CDH22: variants seen among roughly 807,000 people sequenced by gnomAD.
CDH22 encodes the protein cadherin 22.
Under a neutral mutation model 58.4 loss-of-function variants are expected in CDH22, and 30 were observed. The ratio of observed to expected loss-of-function variants is 0.51; its 90% CI spans 0.38 to 0.70. CDH22 has a LOEUF of 0.70. Ranked by LOEUF, CDH22 falls within the 30% of genes least tolerant of loss-of-function variation. CDH22 has a pLI of 0.00. For synonymous variants in CDH22, 513 were observed against 558.2 expected, an observed-to-expected ratio of 0.92 and a Z score of 1.14; for missense variants, 1,014 against 1,233.9, an observed-to-expected ratio of 0.82 and a Z score of 2.67.
chr20:46,185,311 C>G (rs1455811425), intron 10 of CDH22, among the ~76,000 whole-genome samples: 1 of 152,068 alleles, frequency 6.6e-6, no homozygotes, highest in Non-Finnish European at 1.5e-5. Flanking sequence ...ACATCAACAT[C>G]ATGAGAAACT....
chr20:46,264,613 G>A (rs2145751213), intron 1 of CDH22, among the ~76,000 whole-genome samples: 1 of 152,244 alleles, frequency 6.6e-6, no homozygotes, highest in Non-Finnish European at 1.5e-5. Flanking sequence ...TGGAGGATCT[G>A]GAATTCAAAC....
intron 1 of CDH22, among the ~76,000 whole-genome samples, chr20:46,259,098 C>T (rs1261808149): frequency 6.6e-6 from 1 of 152,202 alleles, no homozygotes; most frequent in African/African-American, 2.4e-5. Flanking sequence ...GTAGAGACAT[C>T]CATTCCTTAA....
chr20:46,189,056 C>T (rs571358047), intron 8 of CDH22, among the ~76,000 whole-genome samples: 4 of 152,184 alleles, frequency 2.6e-5, no homozygotes, highest in South Asian at 2.1e-4. Flanking sequence ...CAGCTGCTCA[C>T]GTGTTGATAA....
chr20:46,298,644 A>ATGGATGGATGGATGGATGGGTGGG (rs1568686127), intron 1 of CDH22, among the ~76,000 whole-genome samples: 4 of 151,708 alleles, frequency 2.6e-5, no homozygotes, highest in Non-Finnish European at 5.9e-5. Flanking sequence ...GAATGGGTGG[A>ATGGATGGATGGATGGATGGGTGGG]TGGATGGATG....
In CDH22 at chr20:46,300,780, A is replaced by G. The variant is rs921947705; in HGVS notation, c.-400+7475T>C. Among the ~76,000 whole-genome samples, 1 of 152,222 alleles carries G rather than the reference A, an allele frequency of 6.6e-6. No individual in the cohort carries two copies. Among genetic ancestry groups the G allele is most frequent in the Non-Finnish European group, 1.5e-5 (1 of 68,026 alleles). On this transcript the variant is annotated intron_variant, in intron 1 of 11. Transcript: ENST00000537909. The surrounding 1 kb of genome is among the most constrained non-coding windows in gnomAD (Gnocchi z 4.4). ...TGGTGAGCGCCACACGACTCCTGCC[A>G]AAAACGTCCCAGTGGTCCCTGAAGA...
rs540497823 is a variant in CDH22 at position 46,252,319 on chromosome 20, G to A, written c.-399-626C>T. On this transcript the variant is annotated intron_variant, in intron 1 of 11. Transcript: ENST00000537909. ...GCTTGGAGACACCCTCAGTGACTCC[G>A]GGCAGGGTCACAACCCCTCTGAGCT... is the stretch of plus-strand genomic sequence containing the variant. 4.3e-4 allele frequency among the ~76,000 whole-genome samples: 66 copies of A among 152,272 alleles called. 1 individual carries two copies. Among genetic ancestry groups the A allele is most frequent in the South Asian group, 2.1e-4 (1 of 4,818 alleles).
At chr20:46,287,708 G>A (rs2145773863) in intron 1 of CDH22, among the ~76,000 whole-genome samples, 1 of 152,110 alleles carries the variant, frequency 6.6e-6, no homozygotes, top group Admixed American at 6.5e-5. Flanking sequence ...AAGAGCAATG[G>A]GAAGCTATTG....
chr20:46,177,945 C>T lies in CDH22; in HGVS notation c.1915+1G>A. 6.2e-7 allele frequency: 1 copy of T among 1,613,506 alleles called. No homozygotes were observed. Among genetic ancestry groups the T allele is most frequent in the South Asian group, 1.1e-5 (1 of 91,060 alleles). On this transcript the variant is annotated splice_donor_variant, in intron 11 of 11. Coordinates refer to ENST00000537909, the MANE Select transcript of CDH22 (RefSeq NM_021248.3). LOFTEE classifies it high-confidence loss of function. ...GGCTGGGTGGCTCTCGATGGACTCA[C>T]CAACCAGGATGAGAACGCAGACCAA...
At chr20:46,219,034 A>G (rs942962775) in intron 4 of CDH22, among the ~76,000 whole-genome samples, 17 of 152,256 alleles carry the variant, frequency 1.1e-4, no homozygotes, top group Non-Finnish European at 1.6e-4. Flanking sequence ...AGGCAACAGA[A>G]TGGAAGGAGA....
chr20:46,238,293 G>C (rs2092285380), intron 3 of CDH22, among the ~76,000 whole-genome samples: 1 of 152,094 alleles, frequency 6.6e-6, no homozygotes, highest in African/African-American at 2.4e-5. Context: ...CAGTAGGTAG[G>C]GGCTGCCGGA....
chr20:46,201,123 C>T (rs1309060486), intron 7 of CDH22, among the ~76,000 whole-genome samples: 2 of 152,378 alleles, frequency 1.3e-5, no homozygotes, highest in South Asian at 2.1e-4. Flanking sequence ...CCGGCCTCCG[C>T]TTCCCCATGC....
At chr20:46,280,878 T>C (rs921414985) in intron 1 of CDH22, among the ~76,000 whole-genome samples, 6 of 152,240 alleles carry the variant, frequency 3.9e-5, no homozygotes, top group African/African-American at 1.2e-4. Flanking sequence ...TGGATAATTC[T>C]AGGCAGTGTC....
chr20:46,220,366 GA>G (rs2086114817), intron 4 of CDH22: 1 of 144,168 alleles, frequency 6.9e-6, no homozygotes, highest in African/African-American at 2.5e-5. Context: ...AACAGAGAGG[GA>G]GACGCAGGAA....
At position 46,258,337 on chromosome 20, in the gene CDH22, C is replaced by T. The variant is rs571099776; in HGVS notation, c.-399-6644G>A. Among the ~76,000 whole-genome samples the T allele has an allele frequency of 5.9e-5, 9 of 152,198 alleles. No individual in the cohort carries two copies. In the East Asian group the frequency reaches 1.7e-3, roughly 29 times the overall value. On this transcript the variant is annotated intron_variant, in intron 1 of 11. Coordinates refer to ENST00000537909, the MANE Select transcript of CDH22 (RefSeq NM_021248.3). ...CAGTAGAGATGGCTCAAGACTGAGG[C>T]TCAGGACACAAATCAGCATCCACAC...
intron 4 of CDH22, among the ~76,000 whole-genome samples, chr20:46,218,791 C>T (rs1175487017): frequency 6.6e-6 from 1 of 152,160 alleles, no homozygotes; most frequent in Non-Finnish European, 1.5e-5. Context: ...GTGGGGAAGA[C>T]TGGGCTTCTT....
intron 2 of CDH22, among the ~76,000 whole-genome samples, chr20:46,244,989 C>T (rs1027491184): frequency 2.0e-5 from 3 of 152,218 alleles, no homozygotes; most frequent in Admixed American, 6.5e-5. Flanking sequence ...GGCTACCCTT[C>T]TCTGAGCCTC....
intron 8 of CDH22, among the ~76,000 whole-genome samples, chr20:46,189,706 TGA>T (rs1275420695): frequency 6.6e-6 from 1 of 152,188 alleles, no homozygotes; most frequent in Non-Finnish European, 1.5e-5. Flanking sequence ...TTGGCATGAG[TGA>T]GAGTCTCAGA....
chr20:46,250,391 G>T (rs2086362603), intron 2 of CDH22, among the ~76,000 whole-genome samples: 1 of 152,212 alleles, frequency 6.6e-6, no homozygotes, highest in South Asian at 2.1e-4. Flanking sequence ...ACCTCACGGG[G>T]GATGTGACAG....
intron 10 of CDH22, among the ~76,000 whole-genome samples, chr20:46,181,740 C>CTTTCT (rs1568649808): frequency 7.8e-5 from 3 of 38,708 alleles, no homozygotes; most frequent in Non-Finnish European, 1.7e-4. Context: ...TCCTTCCTTC[C>CTTTCT]TTCCTTCCTT....
Sources: gnomAD v4.1 joint callset for allele counts (sites outside exome capture counted in the v4.1 genomes callset) on GRCh38, gnomAD v4.1.1 for gene constraint, Gnocchi (gnomAD v3.1) non-coding constraint, MANE v1.5 for transcripts, NCBI Gene and HGNC (gene_info 2026-07-23, HGNC 2026-07-21) for gene names.